The following TMEM59 variants were observed in gnomAD, a reference collection of about 807,000 sequenced individuals.
The protein encoded by TMEM59 is dendritic cell factor 1.
Under a neutral mutation model 42.2 loss-of-function variants are expected in TMEM59, and 44 were observed. The observed-to-expected ratio is 1.04, with a 90% confidence interval of 0.82 to 1.34. The LOEUF (loss-of-function observed/expected upper bound fraction) is 1.34, where lower values mean the gene tolerates loss of function less well. Among genes scored for constraint, TMEM59 ranks in the 40% most tolerant of loss-of-function variants. The probability of loss-of-function intolerance (pLI) is 0.00; values close to 1 mark genes in which losing one functional copy is unlikely to be tolerated. For synonymous variants in TMEM59, 148 were observed against 145.8 expected (o/e 1.02, Z -0.11); for missense variants, 359 against 382.8 (o/e 0.94, Z 0.52).
chr1:54,052,667 T>A (rs916127371), intron 1 of TMEM59, among the ~76,000 whole-genome samples: 9 of 152,000 alleles, frequency 5.9e-5, no homozygotes, highest in Non-Finnish European at 1.2e-4. Context: ...CTCCCTTAGG[T>A]GAGGACCCCG....
Position 54,030,276 on chromosome 1 carries a change from T to G in TMEM59, c.*1874A>C, listed in dbSNP as rs934746285. The G allele has an allele frequency of 2.0e-5, 3 of 152,186 alleles. No homozygotes were observed. Among genetic ancestry groups the G allele is most frequent in the African/African-American group, 7.2e-5 (3 of 41,450 alleles). 9.4% of individuals were successfully genotyped at this position (152,186 alleles called of 1,614,324 possible). A position where few individuals can be genotyped will look rare whatever the true frequency, so the allele number is the denominator to read the frequency against. ...CTTTTCTAACAGTGGGCTCTTTGAT[T>G]CCTGTGAGACAGCAGCATTTTGTGT... is the stretch of plus-strand genomic sequence containing the variant. On this transcript the variant is annotated 3_prime_UTR_variant, in exon 8 of 8. Coordinates refer to ENST00000234831, the MANE Select transcript of TMEM59 (RefSeq NM_004872.5).
Position 54,047,327 on chromosome 1 carries a change from T to C in TMEM59, c.235A>G (p.Ile79Val), listed in dbSNP as rs1452006999. 1.2e-6 allele frequency: 2 copies of C among 1,613,978 alleles called. No homozygotes were observed. The highest frequency in any genetic ancestry group is 1.7e-6 in the Non-Finnish European group (2 of 1,179,952). ...ATTCCATCATCCACAAACTGACAAA[T>C]TGAAAACAGCCTGCAACCTCTCTGA... The part of the protein sequence containing the change: ...ACQRGCRLFS[I>V]CQFVDDGIDL... Residue 79 changes from isoleucine (I) to valine (V), a missense_variant, in exon 2 of 8, where the codon ATT becomes GTT. Physicochemically the swap from Ile to Val is conservative, Grantham distance 29. Transcript: ENST00000234831.
rs1656765790 is a variant in TMEM59, at chr1:54,031,496, C to A, written c.*654G>T. 6.6e-6 allele frequency: 1 copy of A among 152,526 alleles called. No individual in the cohort carries two copies. Among genetic ancestry groups the A allele is most frequent in the Non-Finnish European group, 1.5e-5 (1 of 68,040 alleles). The allele number at this position is 152,526 out of a possible 1,614,324, so 9.4% of individuals were successfully genotyped here. On this transcript the variant is annotated 3_prime_UTR_variant, in exon 8 of 8. Transcript: ENST00000234831. ...ACACTCATCAAACAAAAACCTATAG[C>A]CTGTGCAAAATAACATCAAATGTAC...
chr1:54,053,255 T>C, upstream of TMEM59: 1 of 1,570,902 alleles, frequency 6.4e-7, no homozygotes, highest in Non-Finnish European at 8.6e-7. Flanking sequence ...CTCCTCCTCC[T>C]GGGGCCAGCC....
chr1:54,037,239 A>C (rs1569941284), intron 6 of TMEM59, among the ~76,000 whole-genome samples: 2 of 152,362 alleles, frequency 1.3e-5, no homozygotes, highest in Middle Eastern at 3.4e-3. Context: ...CTTATACTTC[A>C]ATTTAAAAAA....
intron 7 of TMEM59, 30 bp from the exon 8 acceptor site, chr1:54,032,335 G>T (rs569252892): frequency 4.5e-5 from 69 of 1,523,800 alleles, no homozygotes; most frequent in Non-Finnish European, 6.1e-5. Flanking sequence ...TACATTAGTA[G>T]TCTGGATAAT....
At chr1:54,040,713 C>G in intron 6 of TMEM59, 43 bp downstream of exon 6, 1 of 1,453,796 alleles carries the variant, frequency 6.9e-7, no homozygotes, top group Non-Finnish European at 9.5e-7. Context: ...CTGATACAAG[C>G]CAGATTTTAT....
intron 6 of TMEM59, among the ~76,000 whole-genome samples, chr1:54,037,351 T>C (rs1656987401): frequency 6.6e-6 from 1 of 152,216 alleles, no homozygotes; most frequent in Non-Finnish European, 1.5e-5. Context: ...AGAAGGCCAG[T>C]TATGAGAATC....
chr1:54,032,166 G>A lies in TMEM59; in HGVS notation c.956C>T (p.Ala319Val). The A allele has an allele frequency of 6.2e-7, 1 of 1,609,146 alleles. No individual in the cohort carries two copies. The highest frequency in any genetic ancestry group is 1.1e-5 in the South Asian group (1 of 90,374). The change falls in exon 8 of 8, where the codon GCT (alanine) becomes GTT (valine). Residue 319 changes from alanine (A) to valine (V), a missense_variant. Physicochemically the swap from Ala to Val is moderately conservative, Grantham distance 64. Coordinates refer to ENST00000234831, the MANE Select transcript of TMEM59 (RefSeq NM_004872.5). ...GAAAAATGCTTAAATTTCAGAATGA[G>A]CAAGATTCACTTTTGTAGGTAGAGG... ...AGPLPTKVNL[A>V]HSEI
At position 54,031,441 on chromosome 1, in the gene TMEM59, T is replaced by C. The variant is rs1473505723; in HGVS notation, c.*709A>G. ...TATGTTTACCTTATACTTGATATGC[T>C]ATCTAACAGAGAAAAATAGTTCTTT... On this transcript the variant is annotated 3_prime_UTR_variant, in exon 8 of 8. Coordinates refer to ENST00000234831, the MANE Select transcript of TMEM59 (RefSeq NM_004872.5). 1 of 152,286 alleles carries C rather than the reference T, an allele frequency of 6.6e-6. No homozygotes were observed. The highest frequency in any genetic ancestry group is 2.4e-5 in the African/African-American group (1 of 41,462). 9.4% of individuals were successfully genotyped at this position (152,286 alleles called of 1,614,324 possible).
In TMEM59 at chr1:54,028,201, A is replaced by T. The variant is rs1465202950; in HGVS notation, c.*3949T>A. On this transcript the variant is annotated 3_prime_UTR_variant, in exon 8 of 8. Coordinates refer to ENST00000234831, the MANE Select transcript of TMEM59 (RefSeq NM_004872.5). ...TCAAACATTCTGTTGCCAGGCTGTGACCAGGACTCAGAGACCAGTCCTAGG... is the reference window on the plus strand; with the variant it reads ...TCAAACATTCTGTTGCCAGGCTGTGTCCAGGACTCAGAGACCAGTCCTAGG... 6.6e-6 allele frequency: 1 copy of T among 152,194 alleles called. No individual in the cohort carries two copies. Among genetic ancestry groups the T allele is most frequent in the Non-Finnish European group, 1.5e-5 (1 of 68,034 alleles). The allele number at this position is 152,194 out of a possible 1,614,324, so 9.4% of individuals were successfully genotyped here. A position where few individuals can be genotyped will look rare whatever the true frequency, so the allele number is the denominator to read the frequency against.
intron 3 of TMEM59, 81 bp downstream of exon 3, chr1:54,045,611 C>A: frequency 7.5e-7 from 1 of 1,324,778 alleles, no homozygotes. Flanking sequence ...AAAATAGGAT[C>A]AAGTGGGTGA....
In TMEM59 at chr1:54,041,491, C is replaced by G. The variant is rs905346336; in HGVS notation, c.625+233G>C. On this transcript the variant is annotated intron_variant, in intron 5 of 7. Coordinates refer to ENST00000234831, the MANE Select transcript of TMEM59 (RefSeq NM_004872.5). ...CAAAATCTGGAACTTGTGAGAAATA[C>G]AAATTCTCAGATCTTCTCCCAGACC... 2.6e-5 allele frequency among the ~76,000 whole-genome samples: 4 copies of G among 152,224 alleles called. No homozygotes were observed. The East Asian group carries it at 7.7e-4, about 29-fold the overall frequency.
intron 1 of TMEM59, among the ~76,000 whole-genome samples, 167 bp downstream of exon 1, chr1:54,052,833 G>A (rs1364737293): frequency 6.6e-6 from 1 of 152,156 alleles, no homozygotes; most frequent in Non-Finnish European, 1.5e-5. Context: ...AATGACAGCA[G>A]AAATGGGGTG....
chr1:54,029,526 G>T lies in TMEM59; in HGVS notation c.*2624C>A, dbSNP rs530961341. On this transcript the variant is annotated 3_prime_UTR_variant, in exon 8 of 8. Transcript: ENST00000234831. ...TATGACTGTTTTATGGAAACAAGGA[G>T]CTAAGTAAAGTTAGGCACATCCAAG... The T allele has an allele frequency of 6.6e-6, 1 of 152,310 alleles. No individual in the cohort carries two copies. The highest frequency in any genetic ancestry group is 2.4e-5 in the African/African-American group (1 of 41,572). 9.4% of individuals were successfully genotyped at this position (152,310 alleles called of 1,614,324 possible). A position where few individuals can be genotyped will look rare whatever the true frequency, so the allele number is the denominator to read the frequency against.
At chr1:54,036,790 CT>C in intron 6 of TMEM59, 72 bp from the exon 7 acceptor site, 2 of 1,004,328 alleles carry the variant, frequency 2.0e-6, no homozygotes, top group Non-Finnish European at 2.9e-6. Context: ...ATTAGTCAAC[CT>C]TATGTACTTA....
Position 54,043,490 on chromosome 1 carries a change from A to G in TMEM59, c.426T>C (p.Phe142=). 6.5e-7 allele frequency: 1 copy of G among 1,544,080 alleles called. No individual in the cohort carries two copies. ...AGAATGACCTCACCAGAGTTAGAGG[A>G]AAGAGTAGGTGCATTTTTGGCATCA... ...MSLMPKMHLL[F]PLTLVRSFWS... Residue 142 remains phenylalanine, a synonymous_variant, in exon 4 of 8, where the codon TTT becomes TTC. Transcript: ENST00000234831.
upstream of TMEM59, chr1:54,053,494 A>C: frequency 5.6e-6 from 2 of 359,970 alleles, no homozygotes; most frequent in African/African-American, 4.2e-5. Flanking sequence ...CGTAGGCGGG[A>C]GGCGCACGGT....
At position 54,031,518 on chromosome 1, in the gene TMEM59, G is replaced by A. The variant is rs1656766230; in HGVS notation, c.*632C>T. 6.6e-6 allele frequency: 1 copy of A among 152,588 alleles called. No individual in the cohort carries two copies. 9.5% of individuals were successfully genotyped at this position (152,588 alleles called of 1,614,324 possible). ...TAGCCTGTGCAAAATAACATCAAAT[G>A]TACTGCTGAGAGATCAGTTTTGCAT... On this transcript the variant is annotated 3_prime_UTR_variant, in exon 8 of 8. Coordinates refer to ENST00000234831, the MANE Select transcript of TMEM59 (RefSeq NM_004872.5).
Sources: gnomAD v4.1 joint callset for allele counts (sites outside exome capture counted in the v4.1 genomes callset) on GRCh38, gnomAD v4.1.1 for gene constraint, MANE v1.5 for transcripts, NCBI Gene and HGNC (gene_info 2026-07-23, HGNC 2026-07-21) for gene names.